The following NCDN variants were observed in gnomAD, a reference collection of about 807,000 sequenced individuals.
NCDN encodes neurochondrin, also known as norbin.
Under a neutral mutation model 60.7 loss-of-function variants are expected in NCDN, and 9 were observed. That is an observed-to-expected ratio of 0.15 (90% CI 0.09 to 0.26). The LOEUF (loss-of-function observed/expected upper bound fraction) is 0.26. Among genes scored for constraint, NCDN ranks in the 10% least tolerant of loss-of-function variants. NCDN has a pLI of 1.00. For synonymous variants in NCDN, 409 were observed against 442.5 expected, an observed-to-expected ratio of 0.92 and a Z score of 0.95; for missense variants, 578 against 975.2, an observed-to-expected ratio of 0.59 and a Z score of 5.42.
chr1:35,561,060 G>T lies in NCDN; in HGVS notation c.909G>T (p.Gly303=). The T allele has an allele frequency of 6.2e-7, 1 of 1,613,172 alleles. No individual in the cohort carries two copies. Among genetic ancestry groups the T allele is most frequent in the South Asian group, 1.1e-5 (1 of 91,064 alleles). The change falls in exon 3 of 7, where the codon GGG becomes GGT. Residue 303 remains glycine (G), a synonymous_variant. Transcript: ENST00000373243. The surrounding 1 kb of genome is among the most constrained non-coding windows in gnomAD (Gnocchi z 4.9). ...GSDWIPAGSS[G]SKFLALLVNL... is the part of the protein sequence containing the mutation. ...ACTGGATCCCGGCGGGCAGCTCCGG[G>T]AGCAAGTTCCTGGCCCTGCTGGTGA... is the stretch of plus-strand genomic sequence containing the variant.
At position 35,565,272 on chromosome 1, in the gene NCDN, T is replaced by C; in HGVS notation, c.1799T>C (p.Ile600Thr). The C allele has an allele frequency of 6.2e-7, 1 of 1,613,562 alleles. No homozygotes were observed. The highest frequency in any genetic ancestry group is 8.5e-7 in the Non-Finnish European group (1 of 1,179,570). Residue 600 changes from isoleucine (I) to threonine (T), a missense_variant, in exon 7 of 7, where the codon ATC becomes ACC. Physicochemically the swap from Ile to Thr is moderately conservative, Grantham distance 89 (BLOSUM62 -1). This residue lies in a region of NCDN where 191 missense variants were observed against 372.1 expected (regional missense o/e 0.51). Coordinates refer to ENST00000373243, the MANE Select transcript of NCDN (RefSeq NM_014284.3). This position sits in a 1 kb window ranked among gnomAD's most constrained non-coding sequence, Gnocchi z 8.9. The stretch of plus-strand genomic sequence containing the variant: ...TCCCGAGGGTTCTTCGCAGCTGCCA[T>C]CCTCTTCCTATCACAGTCCCACGTG... ...PASRGFFAAA[I>T]LFLSQSHVAR...
chr1:35,558,445 G>A lies in NCDN; in HGVS notation c.33+222G>A, dbSNP rs1335385549. ...TGCTGCTGCCGCCGCCGCTGCTGCT[G>A]CTGCTGCAGCCTCTACCCGAGGGAG... is the stretch of plus-strand genomic sequence containing the variant. On this transcript the variant is annotated intron_variant, in intron 1 of 6. Coordinates refer to ENST00000373243, the MANE Select transcript of NCDN (RefSeq NM_014284.3). The surrounding 1 kb of genome is among the most constrained non-coding windows in gnomAD (Gnocchi z 6.3). 2.8e-6 allele frequency: 4 copies of A among 1,441,960 alleles called. No individual in the cohort carries two copies. Among genetic ancestry groups the A allele is most frequent in the East Asian group, 2.5e-5 (1 of 39,374 alleles). 89.3% of individuals were successfully genotyped at this position (1,441,960 alleles called of 1,614,324 possible). A position where few individuals can be genotyped will look rare whatever the true frequency, so the allele number is the denominator to read the frequency against.
In NCDN at chr1:35,565,590, G is replaced by C; in HGVS notation, c.2117G>C (p.Arg706Thr). Residue 706 changes from arginine to threonine, a missense_variant, in exon 7 of 7, where the codon AGG (arginine) becomes ACG (threonine). By Grantham distance (71) the Arg-to-Thr change is moderately conservative. Transcript: ENST00000373243. This position sits in a 1 kb window ranked among gnomAD's most constrained non-coding sequence, Gnocchi z 8.9. ...AACCGGCTGTGCCGGGAGGCCATGAGGCTGCAGGCGGGCGAGGAGACGGCC... is the reference window on the plus strand; with the variant it reads ...AACCGGCTGTGCCGGGAGGCCATGACGCTGCAGGCGGGCGAGGAGACGGCC... The part of the protein sequence containing the change: ...RANRLCREAM[R>T]LQAGEETASH... 6.4e-7 allele frequency: 1 copy of C among 1,563,988 alleles called. No individual in the cohort carries two copies. The highest frequency in any genetic ancestry group is 8.6e-7 in the Non-Finnish European group (1 of 1,160,432).
In NCDN at chr1:35,560,532, G is replaced by A; in HGVS notation, c.381G>A (p.Leu127=). The A allele has an allele frequency of 6.2e-7, 1 of 1,613,932 alleles. No homozygotes were observed. The highest frequency in any genetic ancestry group is 8.5e-7 in the Non-Finnish European group (1 of 1,180,052). Residue 127 remains leucine, a synonymous_variant, in exon 3 of 7, where the codon CTG becomes CTA. Coordinates refer to ENST00000373243, the MANE Select transcript of NCDN (RefSeq NM_014284.3). This position sits in a 1 kb window ranked among gnomAD's most constrained non-coding sequence, Gnocchi z 7.6. ...AACTGGCCGCCCATCCCCAAGTCCT[G>A]AACAAGATTCCCATTCTTAGCACCT... ...DPELAAHPQV[L]NKIPILSTFL... is the part of the protein sequence containing the mutation.
rs940706887 is a variant in NCDN, at chr1:35,565,143, G to A, written c.1754-84G>A. On this transcript the variant is annotated intron_variant, in intron 6 of 6. Transcript: ENST00000373243. The surrounding 1 kb of genome is among the most constrained non-coding windows in gnomAD (Gnocchi z 8.9). ...CCAGGCTGTGCCCTGGCTCCTGCAT[G>A]TGTCTACACAGAGGACTAGGGAAGG... The A allele has an allele frequency of 1.2e-5, 16 of 1,365,856 alleles. No individual in the cohort carries two copies. The highest frequency in any genetic ancestry group is 1.2e-4 in the East Asian group (5 of 42,740). 84.6% of individuals were successfully genotyped at this position (1,365,856 alleles called of 1,614,324 possible).
rs1476939869 is a variant in NCDN, at chr1:35,562,607, G to A, written c.1359G>A (p.Gly453=). 8 of 1,613,616 alleles carry A rather than the reference G, an allele frequency of 5.0e-6. No homozygotes were observed. The highest frequency in any genetic ancestry group is 1.3e-5 in the African/African-American group (1 of 74,908). ...TGGCCATCTCCCCCACCACCCCAGGGCCCACCTGGCCAGGAGACGCTCTCC... is the reference window on the plus strand; with the variant it reads ...TGGCCATCTCCCCCACCACCCCAGGACCCACCTGGCCAGGAGACGCTCTCC... ...ANLAISPTTP[G]PTWPGDALRL... The change falls in exon 4 of 7, where the codon GGG becomes GGA. Residue 453 remains glycine, a synonymous_variant. Coordinates refer to ENST00000373243, the MANE Select transcript of NCDN (RefSeq NM_014284.3). This position sits in a 1 kb window ranked among gnomAD's most constrained non-coding sequence, Gnocchi z 6.8.
rs56360709 is a variant in NCDN, at chr1:35,561,569, TC to T, written c.1143+281del. On this transcript the variant is annotated intron_variant, in intron 3 of 6. Coordinates refer to ENST00000373243, the MANE Select transcript of NCDN (RefSeq NM_014284.3). The surrounding 1 kb of genome is among the most constrained non-coding windows in gnomAD (Gnocchi z 4.9). ...ACACAGTAACCTCCCACTCAAACGC[TC>T]CCCCCAATACACACACACTACACGC... 4.0e-5 allele frequency among the ~76,000 whole-genome samples: 6 copies of T among 148,224 alleles called. No homozygotes were observed. Among genetic ancestry groups the T allele is most frequent in the Non-Finnish European group, 9.0e-5 (6 of 66,892 alleles).
rs1170581588 is a variant in NCDN, at chr1:35,558,120, G to A, written c.-71G>A. The A allele has an allele frequency of 2.5e-6, 4 of 1,598,112 alleles. No individual in the cohort carries two copies. In the African/African-American group the frequency reaches 4.0e-5, roughly 16 times the overall value. The stretch of plus-strand genomic sequence containing the variant: ...CTGTCTCCCATGTCGTGATTTTGAC[G>A]TGATCTCTCCGTGACATCACCGCGC... On this transcript the variant is annotated 5_prime_UTR_variant, in exon 1 of 7. In the 5' UTR this introduces an upstream ATG that the reference lacks. Transcript: ENST00000373243. This position sits in a 1 kb window ranked among gnomAD's most constrained non-coding sequence, Gnocchi z 6.3.
In NCDN at chr1:35,566,050, G is replaced by T. The variant is rs1648863539; in HGVS notation, c.*387G>T. The T allele has an allele frequency of 4.7e-6, 1 of 211,386 alleles. No homozygotes were observed. The highest frequency in any genetic ancestry group is 9.5e-6 in the Non-Finnish European group (1 of 104,764). 13.1% of individuals were successfully genotyped at this position (211,386 alleles called of 1,614,324 possible). ...ACTGCCTCAGCCCATGTGCCCTGCC[G>T]GCCAGGGCGTGGGCTCCCCTCGGCT... is the stretch of plus-strand genomic sequence containing the variant. On this transcript the variant is annotated 3_prime_UTR_variant, in exon 7 of 7. Coordinates refer to ENST00000373243, the MANE Select transcript of NCDN (RefSeq NM_014284.3). This position sits in a 1 kb window ranked among gnomAD's most constrained non-coding sequence, Gnocchi z 5.3.
At position 35,560,095 on chromosome 1, in the gene NCDN, A is replaced by G. The variant is rs556933252; in HGVS notation, c.175-231A>G. On this transcript the variant is annotated intron_variant, in intron 2 of 6. Coordinates refer to ENST00000373243, the MANE Select transcript of NCDN (RefSeq NM_014284.3). The surrounding 1 kb of genome is among the most constrained non-coding windows in gnomAD (Gnocchi z 7.6). ...GCCAGGTGTTGAAATGCTCAAATGA[A>G]TGGTTGAGGAAGACTAGACCTCACT... Among the ~76,000 whole-genome samples, 147 of 152,270 alleles carry G rather than the reference A, an allele frequency of 9.7e-4. No individual in the cohort carries two copies. Among genetic ancestry groups the G allele is most frequent in the Non-Finnish European group, 1.5e-3 (103 of 68,018 alleles).
rs1648509895 is a variant in NCDN at position 35,558,551 on chromosome 1, A to G, written c.33+328A>G. 1.5e-6 allele frequency: 2 copies of G among 1,319,604 alleles called. No homozygotes were observed. The highest frequency in any genetic ancestry group is 1.5e-5 in the African/African-American group (1 of 67,100). The allele number at this position is 1,319,604 out of a possible 1,614,324, so 81.7% of individuals were successfully genotyped here. On this transcript the variant is annotated intron_variant, in intron 1 of 6. Transcript: ENST00000373243. This position sits in a 1 kb window ranked among gnomAD's most constrained non-coding sequence, Gnocchi z 6.3. Reference sequence around the variant, plus strand: ...GGTGGGGTCCCCAAAGGGGCCTCCAAGCCTTCCCTGTTGAGCGTCTTGTAT... The same window carrying G: ...GGTGGGGTCCCCAAAGGGGCCTCCAGGCCTTCCCTGTTGAGCGTCTTGTAT...
rs1020089266 is a variant in NCDN, at chr1:35,558,043, C to T, written c.-148C>T. 1.6e-6 allele frequency: 2 copies of T among 1,236,152 alleles called. No individual in the cohort carries two copies. Among genetic ancestry groups the T allele is most frequent in the East Asian group, 2.5e-5 (1 of 40,718 alleles). The allele number at this position is 1,236,152 out of a possible 1,614,324, so 76.6% of individuals were successfully genotyped here. A position where few individuals can be genotyped will look rare whatever the true frequency, so the allele number is the denominator to read the frequency against. On this transcript the variant is annotated 5_prime_UTR_variant, in exon 1 of 7. Coordinates refer to ENST00000373243, the MANE Select transcript of NCDN (RefSeq NM_014284.3). This position sits in a 1 kb window ranked among gnomAD's most constrained non-coding sequence, Gnocchi z 6.3. The stretch of plus-strand genomic sequence containing the variant: ...GTCGAGACTCCATTTTGTCACAGCC[C>T]TTTTCAATATATATCTTTTTTTTTT...
Position 35,565,784 on chromosome 1 carries a change from C to A in NCDN, c.*121C>A. On this transcript the variant is annotated 3_prime_UTR_variant, in exon 7 of 7. Transcript: ENST00000373243. The surrounding 1 kb of genome is among the most constrained non-coding windows in gnomAD (Gnocchi z 8.9). ...AGACTTCCTCCCCAAAACACCCCAG[C>A]TTTCTGGCTTTTCTGAGGGCAAGGG... 1 of 1,140,072 alleles carries A rather than the reference C, an allele frequency of 8.8e-7. No individual in the cohort carries two copies. The highest frequency in any genetic ancestry group is 1.2e-6 in the Non-Finnish European group (1 of 828,816). 70.6% of individuals were successfully genotyped at this position (1,140,072 alleles called of 1,614,324 possible). A position where few individuals can be genotyped will look rare whatever the true frequency, so the allele number is the denominator to read the frequency against.
At position 35,565,114 on chromosome 1, in the gene NCDN, G is replaced by C; in HGVS notation, c.1754-113G>C. The C allele has an allele frequency of 9.1e-7, 1 of 1,102,880 alleles. No individual in the cohort carries two copies. The highest frequency in any genetic ancestry group is 1.3e-6 in the Non-Finnish European group (1 of 769,500). The allele number at this position is 1,102,880 out of a possible 1,614,324, so 68.3% of individuals were successfully genotyped here. A position where few individuals can be genotyped will look rare whatever the true frequency, so the allele number is the denominator to read the frequency against. On this transcript the variant is annotated intron_variant, in intron 6 of 6. Transcript: ENST00000373243. The surrounding 1 kb of genome is among the most constrained non-coding windows in gnomAD (Gnocchi z 8.9). Reference sequence around the variant, plus strand: ...GGCAGGGTTTCAACGCAGGCAGTCTGATTCCAGGCTGTGCCCTGGCTCCTG... The same window carrying C: ...GGCAGGGTTTCAACGCAGGCAGTCTCATTCCAGGCTGTGCCCTGGCTCCTG...
Position 35,557,957 on chromosome 1 carries a change from G to A in NCDN, c.-234G>A. On this transcript the variant is annotated 5_prime_UTR_variant, in exon 1 of 7. Coordinates refer to ENST00000373243, the MANE Select transcript of NCDN (RefSeq NM_014284.3). Reference sequence around the variant, plus strand: ...CTCCGAGCCGGCGCTGATCGATGCCGACACACCCCGGGGACCCTATCGCGA... The same window carrying A: ...CTCCGAGCCGGCGCTGATCGATGCCAACACACCCCGGGGACCCTATCGCGA... 1.5e-6 allele frequency: 1 copy of A among 668,716 alleles called. No homozygotes were observed. The highest frequency in any genetic ancestry group is 2.5e-6 in the Non-Finnish European group (1 of 392,904). The allele number at this position is 668,716 out of a possible 1,614,324, so 41.4% of individuals were successfully genotyped here. A position where few individuals can be genotyped will look rare whatever the true frequency, so the allele number is the denominator to read the frequency against.
chr1:35,565,093 G>C lies in NCDN; in HGVS notation c.1754-134G>C. 1.2e-6 allele frequency: 1 copy of C among 864,816 alleles called. No individual in the cohort carries two copies. Among genetic ancestry groups the C allele is most frequent in the East Asian group, 2.5e-5 (1 of 39,910 alleles). 53.6% of individuals were successfully genotyped at this position (864,816 alleles called of 1,614,324 possible). A position where few individuals can be genotyped will look rare whatever the true frequency, so the allele number is the denominator to read the frequency against. ...GGTCACACAGTGAGCATCTAAGGCA[G>C]GGTTTCAACGCAGGCAGTCTGATTC... On this transcript the variant is annotated intron_variant, in intron 6 of 6. Transcript: ENST00000373243. This position sits in a 1 kb window ranked among gnomAD's most constrained non-coding sequence, Gnocchi z 8.9.
rs1648862755 is a variant in NCDN at position 35,566,026 on chromosome 1, C to T, written c.*363C>T. ...GTAAGACAGGGCTGGCAGGAGCAGA[C>T]TGCCTCAGCCCATGTGCCCTGCCGG... On this transcript the variant is annotated 3_prime_UTR_variant, in exon 7 of 7. Transcript: ENST00000373243. This position sits in a 1 kb window ranked among gnomAD's most constrained non-coding sequence, Gnocchi z 5.3. The T allele has an allele frequency of 8.0e-6, 2 of 250,688 alleles. No homozygotes were observed. Among genetic ancestry groups the T allele is most frequent in the Non-Finnish European group, 1.6e-5 (2 of 128,042 alleles). 15.5% of individuals were successfully genotyped at this position (250,688 alleles called of 1,614,324 possible).
rs1314657044 is a variant in NCDN, at chr1:35,561,828, C to G, written c.1143+534C>G. Among the ~76,000 whole-genome samples the G allele has an allele frequency of 6.6e-6, 1 of 152,180 alleles. No homozygotes were observed. Among genetic ancestry groups the G allele is most frequent in the Non-Finnish European group, 1.5e-5 (1 of 68,042 alleles). The stretch of plus-strand genomic sequence containing the variant: ...CCAGCTGTCCTGTCCCACAGGGATT[C>G]AGTCATGACTCTGGTCTCTTTAATG... On this transcript the variant is annotated intron_variant, in intron 3 of 6. Transcript: ENST00000373243. The surrounding 1 kb of genome is among the most constrained non-coding windows in gnomAD (Gnocchi z 4.9).
Position 35,566,742 on chromosome 1 carries a change from C to A in NCDN, c.*1079C>A. ...TGATCGCCAAGTTCAAAGCTGTGCA[C>A]ATGTGGACACTCAATAAATGTTCAT... On this transcript the variant is annotated 3_prime_UTR_variant, in exon 7 of 7. Transcript: ENST00000373243. The surrounding 1 kb of genome is among the most constrained non-coding windows in gnomAD (Gnocchi z 5.3). 2 of 468,188 alleles carry A rather than the reference C, an allele frequency of 4.3e-6. No individual in the cohort carries two copies. Among genetic ancestry groups the A allele is most frequent in the Admixed American group, 4.7e-5 (2 of 42,532 alleles). The allele number at this position is 468,188 out of a possible 1,614,324, so 29.0% of individuals were successfully genotyped here.
Sources: gnomAD v4.1 joint callset for allele counts (sites outside exome capture counted in the v4.1 genomes callset) on GRCh38, gnomAD v4.1.1 for gene constraint, gnomAD v4.1.1 regional missense constraint, Gnocchi (gnomAD v3.1) non-coding constraint, MANE v1.5 for transcripts, NCBI Gene and HGNC (gene_info 2026-07-23, HGNC 2026-07-21) for gene names.